Variants in KAZN observed in about 807,000 individuals in gnomAD.
KAZN encodes kazrin, periplakin interacting protein.
In KAZN, 40 loss-of-function variants were observed where a neutral mutation model predicts 87.4. The ratio of observed to expected loss-of-function variants is 0.46; its 90% confidence interval spans 0.36 to 0.60. The LOEUF is 0.60. Among genes scored for constraint, KAZN ranks in the 20% least tolerant of loss-of-function variants. The pLI, the probability that KAZN is intolerant of heterozygous loss-of-function variation, is 0.00. For missense variants in KAZN, 898 were observed against 1,073.9 expected, an observed-to-expected ratio of 0.84 and a Z score of 2.29; for synonymous variants, 466 against 458.3, an observed-to-expected ratio of 1.02 and a Z score of -0.22.
In KAZN at chr1:15,066,425, G is replaced by A. The variant is rs1639231177; in HGVS notation, c.1222+672G>A. On this transcript the variant is annotated intron_variant, in intron 8 of 14. Coordinates refer to ENST00000376030, the MANE Select transcript of KAZN (RefSeq NM_201628.3). The surrounding 1 kb of genome is among the most constrained non-coding windows in gnomAD (Gnocchi z 4.3). ...TAACCACAAAACGCCATCGTCGTCA[G>A]GGTAAGCTCTGCTCTCTACAAAGAC... The A allele has an allele frequency of 1.0e-6, 1 of 985,126 alleles. No individual in the cohort carries two copies. The highest frequency in any genetic ancestry group is 1.7e-5 in the African/African-American group (1 of 57,164). The allele number at this position is 985,126 out of a possible 1,614,324, so 61.0% of individuals were successfully genotyped here. A position where few individuals can be genotyped will look rare whatever the true frequency, so the allele number is the denominator to read the frequency against.
At chr1:14,781,405 C>A (rs1183743911) in intron 1 of KAZN, among the ~76,000 whole-genome samples, 1 of 152,246 alleles carries the variant, frequency 6.6e-6, no homozygotes, top group Non-Finnish European at 1.5e-5. Context: ...AATGTCCTTT[C>A]AGGTGCCAGA....
intron 1 of KAZN, among the ~76,000 whole-genome samples, chr1:14,932,982 C>T (rs890836759): frequency 6.6e-6 from 1 of 152,160 alleles, no homozygotes; most frequent in African/African-American, 2.4e-5. Flanking sequence ...CTCTCCATCC[C>T]TCTCCCCAGC....
chr1:14,140,757 G>A (rs189726676), intron 1 of KAZN, among the ~76,000 whole-genome samples: 8 of 152,164 alleles, frequency 5.3e-5, no homozygotes, highest in Non-Finnish European at 1.2e-4. Flanking sequence ...TCTCTGGAAG[G>A]TTTATGTGTC....
At chr1:14,764,631 T>G (rs1489821946) in intron 1 of KAZN, among the ~76,000 whole-genome samples, 1 of 151,696 alleles carries the variant, frequency 6.6e-6, no homozygotes, top group Non-Finnish European at 1.5e-5. Flanking sequence ...GTAGAACAAA[T>G]GGATGAAGAA....
At chr1:14,390,365 C>G (rs1188334802) in intron 2 of KAZN, among the ~76,000 whole-genome samples, 2 of 152,138 alleles carry the variant, frequency 1.3e-5, no homozygotes, top group Admixed American at 6.5e-5. Context: ...ATATAAGTAC[C>G]TCCTTGGAAA....
intron 2 of KAZN, among the ~76,000 whole-genome samples, chr1:14,587,302 G>A (rs1571991158): frequency 6.6e-6 from 1 of 152,066 alleles, no homozygotes; most frequent in Non-Finnish European, 1.5e-5. Context: ...CGGGTGTGGT[G>A]GCATGCACCT....
intron 1 of KAZN, among the ~76,000 whole-genome samples, chr1:13,928,198 C>T (rs1227302185): frequency 6.6e-6 from 1 of 152,160 alleles, no homozygotes; most frequent in Non-Finnish European, 1.5e-5. Context: ...TGTGCCATAC[C>T]TGGGGTTCTC....
At chr1:14,668,006 G>A (rs994136312) in intron 1 of KAZN, among the ~76,000 whole-genome samples, 2 of 152,040 alleles carry the variant, frequency 1.3e-5, no homozygotes, top group Non-Finnish European at 2.9e-5. Context: ...AATAAACACT[G>A]ATGTGACTGT....
chr1:14,690,441 C>T (rs1394264835), intron 1 of KAZN, among the ~76,000 whole-genome samples: 1 of 152,138 alleles, frequency 6.6e-6, no homozygotes, highest in Admixed American at 6.5e-5. Flanking sequence ...GCGTTCTCTG[C>T]GGCCAGTCTG....
intron 1 of KAZN, among the ~76,000 whole-genome samples, chr1:14,068,113 T>A (rs1643084668): frequency 1.4e-5 from 2 of 140,180 alleles, no homozygotes; most frequent in African/African-American, 2.6e-5. Context: ...GGGAGGGGTG[T>A]TGATGTTCCC....
chr1:14,355,947 G>A (rs1658985608), intron 2 of KAZN, among the ~76,000 whole-genome samples: 1 of 152,158 alleles, frequency 6.6e-6, no homozygotes, highest in African/African-American at 2.4e-5. Context: ...TATATACCCA[G>A]TAATGGGATT....
intron 1 of KAZN, among the ~76,000 whole-genome samples, chr1:14,707,517 G>A (rs1189781953): frequency 6.6e-6 from 1 of 152,162 alleles, no homozygotes; most frequent in Non-Finnish European, 1.5e-5. Flanking sequence ...AGAGTCATTT[G>A]CTGGTGGTGT....
intron 1 of KAZN, among the ~76,000 whole-genome samples, chr1:13,969,685 C>T (rs1232456941): frequency 6.6e-6 from 1 of 152,082 alleles, no homozygotes; most frequent in East Asian, 1.9e-4. Context: ...TTGTGGCACT[C>T]AGTCCTTCAC....
At chr1:14,251,491 C>T (rs1416915112) in intron 2 of KAZN, among the ~76,000 whole-genome samples, 6 of 152,036 alleles carry the variant, frequency 3.9e-5, no homozygotes, top group Admixed American at 1.3e-4. Flanking sequence ...CTTGCTCAGA[C>T]TCCTTATTAA....
intron 1 of KAZN, among the ~76,000 whole-genome samples, chr1:14,653,685 G>A (rs1016549224): frequency 6.6e-6 from 1 of 152,198 alleles, no homozygotes; most frequent in Non-Finnish European, 1.5e-5. Context: ...GATAAAATGA[G>A]TCAAGGCTTG....
intron 3 of KAZN, among the ~76,000 whole-genome samples, chr1:15,037,935 G>T (rs1672505339): frequency 6.6e-6 from 1 of 152,102 alleles, no homozygotes; most frequent in Non-Finnish European, 1.5e-5. Context: ...GAGAACACAT[G>T]CCCTGAAGGA....
intron 1 of KAZN, among the ~76,000 whole-genome samples, chr1:14,808,290 C>CTTTTTTTTTTTTT: frequency 1.1e-5 from 1 of 88,096 alleles, no homozygotes; most frequent in Non-Finnish European, 2.2e-5. Context: ...AAAGAGGTTT[C>CTTTTTTTTTTTTT]TTTTTTTTTT....
intron 1 of KAZN, among the ~76,000 whole-genome samples, chr1:14,891,210 A>T (rs140162112): frequency 6.6e-6 from 1 of 152,088 alleles, no homozygotes; most frequent in African/African-American, 2.4e-5. Context: ...GTCTGGTTAC[A>T]TGAGTACGTT....
At chr1:14,136,445 A>C (rs1262047817) in intron 1 of KAZN, among the ~76,000 whole-genome samples, 2 of 152,170 alleles carry the variant, frequency 1.3e-5, no homozygotes, top group Non-Finnish European at 2.9e-5. Context: ...GCACTTAAGT[A>C]TTACTAAACA....
Sources: allele counts gnomAD v4.1 joint callset (sites outside exome capture counted in the v4.1 genomes callset), GRCh38; gene constraint gnomAD v4.1.1; non-coding constraint Gnocchi (gnomAD v3.1); transcripts MANE v1.5; gene names NCBI Gene and HGNC (gene_info 2026-07-23, HGNC 2026-07-21).